Variants in LAMA2 observed in about 807,000 individuals in gnomAD.
LAMA2 encodes the protein laminin subunit alpha-2.
A neutral mutation model predicts 364.8 loss-of-function variants in LAMA2; 269 were observed. The observed-to-expected ratio is 0.74, with a 90% CI of 0.67 to 0.82. The LOEUF is 0.82. LAMA2 is among the 40% of genes least tolerant of loss of function. The pLI, the probability that LAMA2 is intolerant of heterozygous loss-of-function variation, is 0.00. For missense variants in LAMA2, 3,807 were observed against 3,873.2 expected (o/e 0.98, Z 0.45); for synonymous variants, 1,379 against 1,370.6 (o/e 1.01, Z -0.14).
chr6:129,375,547 A>G (rs1354234976), intron 34 of LAMA2, among the ~76,000 whole-genome samples: 3 of 152,182 alleles, frequency 2.0e-5, no homozygotes, highest in African/African-American at 7.2e-5. Flanking sequence ...AAATCTCTGC[A>G]GCTTTGATCT....
intron 22 of LAMA2, among the ~76,000 whole-genome samples, chr6:129,311,943 GA>G (rs1251245992): frequency 2.0e-5 from 3 of 152,102 alleles, no homozygotes; most frequent in Non-Finnish European, 4.4e-5. Context: ...TAAAACAAAG[GA>G]AAATGATTGC....
intron 53 of LAMA2, among the ~76,000 whole-genome samples, chr6:129,478,002 TG>T (rs1784158818): frequency 2.3e-5 from 2 of 86,524 alleles, no homozygotes; most frequent in South Asian, 7.2e-4. Context: ...TGCCTCAGGC[TG>T]GTCTTGTCTT....
intron 3 of LAMA2, among the ~76,000 whole-genome samples, chr6:129,066,068 C>G (rs1164383432): frequency 6.5e-5 from 1 of 15,400 alleles, no homozygotes; most frequent in Non-Finnish European, 1.6e-4. Context: ...TTTTTTGAGA[C>G]GCAGTCTCGC....
intron 27 of LAMA2, among the ~76,000 whole-genome samples, chr6:129,319,881 C>T (rs1306223932): frequency 6.6e-6 from 1 of 152,022 alleles, no homozygotes; most frequent in Non-Finnish European, 1.5e-5. Context: ...GCCTGTAATC[C>T]CAGCACTTCG....
intron 1 of LAMA2, among the ~76,000 whole-genome samples, chr6:128,892,854 AC>A (rs1776543647): frequency 6.6e-6 from 1 of 151,876 alleles, no homozygotes; most frequent in Admixed American, 6.6e-5. Context: ...TAAAAAAACC[AC>A]CAAAAAACAA....
intron 1 of LAMA2, among the ~76,000 whole-genome samples, chr6:129,034,499 G>A (rs977969665): frequency 2.0e-5 from 3 of 151,550 alleles, no homozygotes; most frequent in African/African-American, 7.3e-5. Flanking sequence ...TAGATTTAGG[G>A]GATACATGTG....
intron 12 of LAMA2, among the ~76,000 whole-genome samples, chr6:129,221,117 C>T (rs185607836): frequency 8.0e-5 from 12 of 150,530 alleles, no homozygotes; most frequent in Non-Finnish European, 1.3e-4. Flanking sequence ...GAGCCAAGAT[C>T]ACACCACTGC....
At chr6:128,887,428 A>G (rs1353073710) in intron 1 of LAMA2, among the ~76,000 whole-genome samples, 1 of 152,086 alleles carries the variant, frequency 6.6e-6, no homozygotes, top group African/African-American at 2.4e-5. Context: ...TCAACACTGA[A>G]TATTATAGAT....
intron 3 of LAMA2, among the ~76,000 whole-genome samples, chr6:129,070,414 A>G (rs927637439): frequency 2.6e-5 from 4 of 152,190 alleles, no homozygotes; most frequent in South Asian, 2.1e-4. Context: ...GATACCTATG[A>G]GGTTCACTTT....
intron 49 of LAMA2, among the ~76,000 whole-genome samples, chr6:129,461,189 A>G (rs755895702): frequency 2.0e-5 from 3 of 152,036 alleles, no homozygotes; most frequent in Non-Finnish European, 4.4e-5. Flanking sequence ...ACAGCAACTC[A>G]AAAACCATTA....
chr6:129,298,934 A>G (rs1356970774), intron 21 of LAMA2, among the ~76,000 whole-genome samples: 2 of 152,180 alleles, frequency 1.3e-5, no homozygotes, highest in Non-Finnish European at 2.9e-5. Context: ...TAAAAATTAT[A>G]AAGCTGTATT....
intron 58 of LAMA2, among the ~76,000 whole-genome samples, chr6:129,496,083 G>A (rs912289888): frequency 1.3e-5 from 2 of 152,092 alleles, no homozygotes; most frequent in African/African-American, 4.8e-5. Context: ...TGGCCCAGGG[G>A]GTTACACACA....
intron 41 of LAMA2, among the ~76,000 whole-genome samples, chr6:129,433,584 A>G (rs1781701609): frequency 6.6e-6 from 1 of 152,212 alleles, no homozygotes; most frequent in Non-Finnish European, 1.5e-5. Flanking sequence ...ATTAATAAAA[A>G]ATAAAAATTC....
chr6:129,027,696 A>C (rs1372628903), intron 1 of LAMA2, among the ~76,000 whole-genome samples: 1 of 151,896 alleles, frequency 6.6e-6, no homozygotes, highest in Non-Finnish European at 1.5e-5. Context: ...TGAAAGAAAT[A>C]CTAAATTTAG....
intron 45 of LAMA2, among the ~76,000 whole-genome samples, chr6:129,446,761 G>A (rs1782408547): frequency 6.6e-6 from 1 of 152,002 alleles, no homozygotes; most frequent in Non-Finnish European, 1.5e-5. Context: ...TAGTATTTAA[G>A]AATACGATGC....
intron 9 of LAMA2, among the ~76,000 whole-genome samples, chr6:129,167,553 G>C (rs6923376): frequency 6.6e-6 from 1 of 151,626 alleles, no homozygotes; most frequent in South Asian, 2.1e-4. Context: ...TCTTAATCCA[G>C]TCTATCATTG....
rs898588296 is a variant in LAMA2, at chr6:128,886,739, C to G, written c.112+3382C>G. ...TCCATAGAAGAACATGACAAACAACCAGGTTTGAATTTTATAATATGGAGA... is the reference window on the plus strand; with the variant it reads ...TCCATAGAAGAACATGACAAACAACGAGGTTTGAATTTTATAATATGGAGA... On this transcript the variant is annotated intron_variant, in intron 1 of 64. Transcript: ENST00000421865. Among the ~76,000 whole-genome samples the G allele has an allele frequency of 3.4e-4, 52 of 152,088 alleles. 1 individual carries two copies. The highest frequency in any genetic ancestry group is 2.1e-4 in the South Asian group (1 of 4,822).
At position 128,961,072 on chromosome 6, in the gene LAMA2, C is replaced by T. The variant is rs1039145611; in HGVS notation, c.112+77715C>T. 2.0e-5 allele frequency among the ~76,000 whole-genome samples: 3 copies of T among 151,736 alleles called. No individual in the cohort carries two copies. The East Asian group carries it at 5.9e-4, about 30-fold the overall frequency. On this transcript the variant is annotated intron_variant, in intron 1 of 64. Transcript: ENST00000421865. ...TCATTGGAAGACTCCCAAATATCCT[C>T]TCGGTAGGCTATTTTTATGGACAGG...
intron 34 of LAMA2, among the ~76,000 whole-genome samples, chr6:129,378,997 A>G (rs1344728075): frequency 6.6e-6 from 1 of 152,244 alleles, no homozygotes; most frequent in Non-Finnish European, 1.5e-5. Flanking sequence ...AAAATGTGGT[A>G]CATACACACC....
Sources: gnomAD v4.1 joint callset for allele counts (sites outside exome capture counted in the v4.1 genomes callset) on GRCh38, gnomAD v4.1.1 for gene constraint, MANE v1.5 for transcripts, NCBI Gene and HGNC (gene_info 2026-07-23, HGNC 2026-07-21) for gene names.